Variants in TGFBR2 observed in about 807,000 individuals in gnomAD.
The protein encoded by TGFBR2 is TGF-beta receptor type-2.
A neutral mutation model predicts 49.0 loss-of-function variants in TGFBR2; 18 were observed. The ratio of observed to expected loss-of-function variants is 0.37; its 90% confidence interval spans 0.25 to 0.54. The LOEUF is 0.54. TGFBR2 is among the 20% of genes least tolerant of loss of function. TGFBR2 has a pLI of 0.85. For missense variants in TGFBR2, 525 were observed against 722.6 expected, an observed-to-expected ratio of 0.73 and a Z score of 3.13; for synonymous variants, 282 against 275.9, an observed-to-expected ratio of 1.02 and a Z score of -0.22.
At chr3:30,638,199 A>G (rs1030687239) in intron 1 of TGFBR2, among the ~76,000 whole-genome samples, 2 of 152,222 alleles carry the variant, frequency 1.3e-5, no homozygotes, top group Admixed American at 1.3e-4. Context: ...TTTGTTTCCA[A>G]TAAGCATTGA....
intron 1 of TGFBR2, among the ~76,000 whole-genome samples, chr3:30,630,818 T>TA (rs1382481392): frequency 6.6e-6 from 1 of 152,104 alleles, no homozygotes; most frequent in East Asian, 1.9e-4. Context: ...TGGTCCTCTC[T>TA]AGAGGACACA....
intron 3 of TGFBR2, among the ~76,000 whole-genome samples, chr3:30,662,534 T>C (rs984824076): frequency 6.6e-6 from 1 of 152,212 alleles, no homozygotes; most frequent in Non-Finnish European, 1.5e-5. Flanking sequence ...AAAAATACTC[T>C]CAAAATATAT....
At chr3:30,642,821 T>C (rs1255835055) in intron 1 of TGFBR2, among the ~76,000 whole-genome samples, 1 of 152,232 alleles carries the variant, frequency 6.6e-6, no homozygotes, top group Non-Finnish European at 1.5e-5. Context: ...TTAATTGTTG[T>C]GTTTCTCCCA....
chr3:30,666,126 A>G (rs1672951862), intron 3 of TGFBR2, among the ~76,000 whole-genome samples: 1 of 152,184 alleles, frequency 6.6e-6, no homozygotes, highest in Admixed American at 6.5e-5. Context: ...GCCCATTCAA[A>G]TTCACAGACC....
chr3:30,646,818 AT>A (rs1698750106), intron 2 of TGFBR2, among the ~76,000 whole-genome samples: 2 of 152,104 alleles, frequency 1.3e-5, no homozygotes, highest in Non-Finnish European at 1.5e-5. Context: ...TTTAATTAAG[AT>A]TTTTGTTTTC....
intron 1 of TGFBR2, among the ~76,000 whole-genome samples, chr3:30,614,461 A>G (rs970780211): frequency 6.6e-6 from 1 of 152,180 alleles, no homozygotes; most frequent in Non-Finnish European, 1.5e-5. Context: ...AATCATTACG[A>G]AGTCTTCATT....
intron 3 of TGFBR2, among the ~76,000 whole-genome samples, chr3:30,668,561 A>G (rs1042883848): frequency 2.6e-5 from 4 of 151,818 alleles, no homozygotes; most frequent in African/African-American, 9.7e-5. Flanking sequence ...GGGACAGTCC[A>G]TACATCTCCA....
chr3:30,636,199 G>A (rs899545032), intron 1 of TGFBR2, among the ~76,000 whole-genome samples: 22 of 140,034 alleles, frequency 1.6e-4, no homozygotes, highest in Admixed American at 1.0e-3. Flanking sequence ...GTGTGTGTGT[G>A]TATAGTACTG....
At chr3:30,655,636 C>G (rs1326916079) in intron 3 of TGFBR2, among the ~76,000 whole-genome samples, 1 of 152,150 alleles carries the variant, frequency 6.6e-6, no homozygotes, top group Non-Finnish European at 1.5e-5. Flanking sequence ...GATTCATTCC[C>G]TCTTCATTTT....
chr3:30,670,659 T>A (rs1260080955), intron 3 of TGFBR2, among the ~76,000 whole-genome samples: 1 of 152,238 alleles, frequency 6.6e-6, no homozygotes, highest in Non-Finnish European at 1.5e-5. Context: ...GGCCAGCACA[T>A]GAAACAAAGT....
At position 30,650,264 on chromosome 3, in the gene TGFBR2, C is replaced by T. The variant is rs1487166182; in HGVS notation, c.264-6C>T. The stretch of plus-strand genomic sequence containing the variant: ...CCCTCGCTTCCAATGAATCTCTTCA[C>T]TCTAGGAGAAAGAATGACGAGAACA... On this transcript the variant is annotated splice_polypyrimidine_tract_variant and splice_region_variant and intron_variant, in intron 2 of 6. Transcript: ENST00000295754. The T allele has an allele frequency of 1.9e-6, 3 of 1,613,502 alleles. No individual in the cohort carries two copies. The African/African-American group carries it at 4.0e-5, about 22-fold the overall frequency.
intron 2 of TGFBR2, among the ~76,000 whole-genome samples, chr3:30,649,614 T>G (rs760149146): frequency 2.6e-5 from 4 of 152,246 alleles, no homozygotes; most frequent in South Asian, 2.1e-4. Flanking sequence ...TATTTGTTTT[T>G]TTTGTTTGTT....
chr3:30,607,793 TAAAA>T lies in TGFBR2; in HGVS notation c.94+820_94+823del, dbSNP rs1193104700. On this transcript the variant is annotated intron_variant, in intron 1 of 6. Transcript: ENST00000295754. ...AAGGTTTTTAAGGAAAAAATAAAAA[TAAAA>T]AAATATATATATATATTATATATAT... is the stretch of plus-strand genomic sequence containing the variant. Among the ~76,000 whole-genome samples, 17 of 134,672 alleles carry T rather than the reference TAAAA, an allele frequency of 1.3e-4. No individual in the cohort carries two copies. In the South Asian group the frequency reaches 3.5e-3, roughly 28 times the overall value. 88.4% of individuals were successfully genotyped at this position (134,672 alleles called of 152,430 possible). A position where few individuals can be genotyped will look rare whatever the true frequency, so the allele number is the denominator to read the frequency against.
intron 5 of TGFBR2, among the ~76,000 whole-genome samples, chr3:30,678,166 A>T (rs1053753051): frequency 6.6e-6 from 1 of 152,094 alleles, no homozygotes; most frequent in South Asian, 2.1e-4. Context: ...TTGTGGGATC[A>T]TGGATCAGGG....
At chr3:30,620,980 T>C (rs985699517) in intron 1 of TGFBR2, among the ~76,000 whole-genome samples, 1 of 152,206 alleles carries the variant, frequency 6.6e-6, no homozygotes, top group Non-Finnish European at 1.5e-5. Flanking sequence ...GGGTGCTTAA[T>C]AGGAGTGGGT....
At chr3:30,654,985 G>C (rs1698967612) in intron 3 of TGFBR2, among the ~76,000 whole-genome samples, 1 of 152,194 alleles carries the variant, frequency 6.6e-6, no homozygotes, top group African/African-American at 2.4e-5. Flanking sequence ...GAATGAGCTA[G>C]ATCTCCTGGA....
rs1296276769 is a variant in TGFBR2 at position 30,691,735 on chromosome 3, G to T, written c.*136G>T. ...CACTCCCCTCCCTGTAAGCTGTGGGGATAAGCAGAAACAACAGCAGCAGGG... is the reference window on the plus strand; with the variant it reads ...CACTCCCCTCCCTGTAAGCTGTGGGTATAAGCAGAAACAACAGCAGCAGGG... On this transcript the variant is annotated 3_prime_UTR_variant, in exon 7 of 7. Transcript: ENST00000295754. 4.2e-6 allele frequency: 4 copies of T among 947,636 alleles called. No individual in the cohort carries two copies. The highest frequency in any genetic ancestry group is 3.9e-5 in the Admixed American group (2 of 50,884). The allele number at this position is 947,636 out of a possible 1,614,324, so 58.7% of individuals were successfully genotyped here. A position where few individuals can be genotyped will look rare whatever the true frequency, so the allele number is the denominator to read the frequency against.
chr3:30,606,759 A>G lies in TGFBR2; in HGVS notation c.-125A>G. 1.5e-6 allele frequency: 1 copy of G among 656,366 alleles called. No individual in the cohort carries two copies. The highest frequency in any genetic ancestry group is 2.2e-6 in the Non-Finnish European group (1 of 452,130). 40.7% of individuals were successfully genotyped at this position (656,366 alleles called of 1,614,324 possible). ...CGAGCGGGCGCCACATCTGGCCCGC[A>G]CATCTGCGCTGCCGGCCCGGCGCGG... On this transcript the variant is annotated 5_prime_UTR_variant, in exon 1 of 7. Coordinates refer to ENST00000295754, the MANE Select transcript of TGFBR2 (RefSeq NM_003242.6).
intron 4 of TGFBR2, among the ~76,000 whole-genome samples, chr3:30,673,099 T>A (rs78753993): frequency 0.012 from 1,821 of 152,330 alleles, 20 homozygotes; most frequent in Middle Eastern, 0.037. Context: ...AGAGCAGCAC[T>A]GTCTTCTTTA....
Sources: allele counts gnomAD v4.1 joint callset (sites outside exome capture counted in the v4.1 genomes callset), GRCh38; gene constraint gnomAD v4.1.1; transcripts MANE v1.5; gene names NCBI Gene and HGNC (gene_info 2026-07-23, HGNC 2026-07-21).